ARHGAP32: variants seen among roughly 807,000 people sequenced by gnomAD.
ARHGAP32 encodes Rho GTPase activating protein 32.
In ARHGAP32, 51 loss-of-function variants were observed where a neutral mutation model predicts 186.5. That is an observed-to-expected ratio of 0.27 (90% CI 0.22 to 0.35). The LOEUF (loss-of-function observed/expected upper bound fraction) is 0.35, where lower values mean the gene tolerates loss of function less well. Among genes scored for constraint, ARHGAP32 ranks in the 10% least tolerant of loss-of-function variants. ARHGAP32 has a pLI of 1.00. For missense variants in ARHGAP32, 2,186 were observed against 2,623.5 expected (o/e 0.83, Z 3.64); for synonymous variants, 950 against 964.3 (o/e 0.99, Z 0.27).
intron 12 of ARHGAP32, among the ~76,000 whole-genome samples, chr11:128,988,889 T>C (rs1199832012): frequency 6.6e-6 from 1 of 152,212 alleles, no homozygotes; most frequent in Non-Finnish European, 1.5e-5. Context: ...CATTCAAACA[T>C]TTACAGCAGC....
intron 1 of ARHGAP32, among the ~76,000 whole-genome samples, chr11:129,181,765 A>G (rs114893400): frequency 5.1e-4 from 77 of 152,240 alleles, no homozygotes; most frequent in African/African-American, 1.8e-3. Context: ...CTTATATACT[A>G]TAATTCTTCA....
At position 128,998,315 on chromosome 11, in the gene ARHGAP32, T is replaced by C; in HGVS notation, c.1195+4A>G. 6.4e-7 allele frequency: 1 copy of C among 1,561,016 alleles called. No homozygotes were observed. Among genetic ancestry groups the C allele is most frequent in the Non-Finnish European group, 8.7e-7 (1 of 1,151,112 alleles). ...GAGTATAAGCTTGCACATTTTATTT[T>C]TACCTTCAAAACCAGAATTTAGAAG... On this transcript the variant is annotated splice_donor_region_variant and intron_variant, in intron 12 of 22. Coordinates refer to ENST00000682385, the MANE Select transcript of ARHGAP32 (RefSeq NM_001378024.1).
intron 13 of ARHGAP32, 41 bp downstream of exon 13, chr11:128,987,981 AT>A: frequency 2.4e-6 from 3 of 1,256,804 alleles, no homozygotes; most frequent in Non-Finnish European, 3.4e-6. Context: ...TTGCATTTTA[AT>A]TAGTTAAGAA....
chr11:129,245,391 T>C (rs994503005), intron 1 of ARHGAP32, among the ~76,000 whole-genome samples: 28 of 149,542 alleles, frequency 1.9e-4, no homozygotes, highest in South Asian at 6.4e-4. Flanking sequence ...TAGGTGGGAA[T>C]TGAACAATGA....
chr11:128,995,650 C>G (rs1449469942), intron 12 of ARHGAP32, among the ~76,000 whole-genome samples: 24 of 152,138 alleles, frequency 1.6e-4, no homozygotes, highest in Admixed American at 1.6e-3. Context: ...ATCAGCCTGG[C>G]CAACATGGCA....
intron 6 of ARHGAP32, among the ~76,000 whole-genome samples, chr11:129,076,741 G>C (rs575972646): frequency 2.0e-5 from 3 of 152,156 alleles, no homozygotes; most frequent in Non-Finnish European, 4.4e-5. Flanking sequence ...GGAGAAAAAT[G>C]GTGGCTAGGA....
Position 128,970,615 on chromosome 11 carries a change from A to G in ARHGAP32, c.4598T>C (p.Val1533Ala). Residue 1533 changes from valine (V) to alanine (A), a missense_variant, in exon 23 of 23, where the codon GTG (valine) becomes GCG (alanine). Coordinates refer to ENST00000682385, the MANE Select transcript of ARHGAP32 (RefSeq NM_001378024.1). This position sits in a 1 kb window ranked among gnomAD's most constrained non-coding sequence, Gnocchi z 5.8. ...PHHNKLEQHQ[V>A]YGARSEPPAS... Reference sequence around the variant, plus strand: ...TGGTGGCTCTGACCTGGCACCATACACTTGGTGCTGCTCCAATTTATTGTG... The same window carrying G: ...TGGTGGCTCTGACCTGGCACCATACGCTTGGTGCTGCTCCAATTTATTGTG... The G allele has an allele frequency of 6.2e-7, 1 of 1,614,094 alleles. No individual in the cohort carries two copies. Among genetic ancestry groups the G allele is most frequent in the Non-Finnish European group, 8.5e-7 (1 of 1,180,012 alleles).
rs569669527 is a variant in ARHGAP32 at position 128,970,192 on chromosome 11, T to C, written c.5021A>G (p.Tyr1674Cys). ...ACACAGGGCCCCATCTGGACTGTAA[T>C]AGGAACTAGAAGAACTGGAATATGG... ...YSPYSSSSSS[Y>C]YSPDGALCDV... Residue 1674 changes from tyrosine (Y) to cysteine (C), a missense_variant, in exon 23 of 23, where the codon TAT (tyrosine) becomes TGT (cysteine). Physicochemically the swap from Tyr to Cys is radical, Grantham distance 194 (BLOSUM62 -2). Transcript: ENST00000682385. This position sits in a 1 kb window ranked among gnomAD's most constrained non-coding sequence, Gnocchi z 5.8. 18 of 1,614,022 alleles carry C rather than the reference T, an allele frequency of 1.1e-5. No individual in the cohort carries two copies. Among genetic ancestry groups the C allele is most frequent in the East Asian group, 8.9e-5 (4 of 44,894 alleles).
chr11:129,073,280 G>A (rs1940928896), intron 6 of ARHGAP32, among the ~76,000 whole-genome samples: 1 of 152,146 alleles, frequency 6.6e-6, no homozygotes, highest in South Asian at 2.1e-4. Context: ...AGTCAAAGAT[G>A]GCAGGAATGT....
chr11:128,978,320 G>T (rs1409690547), intron 19 of ARHGAP32, among the ~76,000 whole-genome samples: 2 of 152,020 alleles, frequency 1.3e-5, no homozygotes, highest in Non-Finnish European at 2.9e-5. Flanking sequence ...GACAGTAATA[G>T]ATTTATTTGA....
chr11:128,996,084 T>C (rs1445796939), intron 12 of ARHGAP32, among the ~76,000 whole-genome samples: 1 of 152,232 alleles, frequency 6.6e-6, no homozygotes, highest in Non-Finnish European at 1.5e-5. Flanking sequence ...AAATCACTAC[T>C]ATATTTATGG....
At chr11:129,209,668 C>CAA (rs35969101) in intron 1 of ARHGAP32, among the ~76,000 whole-genome samples, 1 of 144,772 alleles carries the variant, frequency 6.9e-6, no homozygotes, top group African/African-American at 2.6e-5. Context: ...ACAAATTTTG[C>CAA]AAAAAAAAAA....
intron 11 of ARHGAP32, among the ~76,000 whole-genome samples, chr11:129,037,567 C>G (rs780759888): frequency 6.6e-6 from 1 of 151,862 alleles, no homozygotes; most frequent in Non-Finnish European, 1.5e-5. Context: ...GATTAGAAGA[C>G]TTAATACTGT....
chr11:129,151,993 A>G (rs2135455001), intron 2 of ARHGAP32, among the ~76,000 whole-genome samples: 1 of 152,292 alleles, frequency 6.6e-6, no homozygotes, highest in South Asian at 2.1e-4. Context: ...TAACCGAGAA[A>G]AGAGGAGGCA....
intron 12 of ARHGAP32, among the ~76,000 whole-genome samples, chr11:128,992,450 A>AC (rs879800913): frequency 1.8e-3 from 251 of 143,386 alleles, no homozygotes; most frequent in African/African-American, 4.3e-3. Flanking sequence ...ACCACCACCA[A>AC]CAACAACACA....
At chr11:129,227,847 G>T (rs1260514331) in intron 1 of ARHGAP32, among the ~76,000 whole-genome samples, 1 of 152,020 alleles carries the variant, frequency 6.6e-6, no homozygotes, top group Non-Finnish European at 1.5e-5. Flanking sequence ...TGGTCAACAA[G>T]GAATAGAGAC....
At chr11:129,196,084 G>C (rs1479347284), upstream of ARHGAP32, among the ~76,000 whole-genome samples, 1 of 152,158 alleles carries the variant, frequency 6.6e-6, no homozygotes, top group East Asian at 1.9e-4. Flanking sequence ...AACCTGAGGG[G>C]AAGGGAAATA....
At chr11:129,004,207 T>C (rs1035567706) in intron 11 of ARHGAP32, among the ~76,000 whole-genome samples, 1 of 151,800 alleles carries the variant, frequency 6.6e-6, no homozygotes, top group Non-Finnish European at 1.5e-5. Flanking sequence ...TTTTAGTCTG[T>C]TGTGGCCAGA....
chr11:129,119,101 T>G (rs1028470891), intron 5 of ARHGAP32, among the ~76,000 whole-genome samples: 13 of 152,012 alleles, frequency 8.6e-5, no homozygotes, highest in African/African-American at 3.1e-4. Context: ...CCTCTCCACC[T>G]TATCACAACC....
Sources: allele counts gnomAD v4.1 joint callset (sites outside exome capture counted in the v4.1 genomes callset), GRCh38; gene constraint gnomAD v4.1.1; non-coding constraint Gnocchi (gnomAD v3.1); transcripts MANE v1.5; gene names NCBI Gene and HGNC (gene_info 2026-07-23, HGNC 2026-07-21).